The following DDHD2 variants were observed in gnomAD, a reference collection of about 807,000 sequenced individuals.
The protein encoded by DDHD2 is triacylglycerol hydrolase DDHD2.
In DDHD2, 62 loss-of-function variants were observed where a neutral mutation model predicts 91.2. The observed-to-expected ratio is 0.68, with a 90% confidence interval of 0.55 to 0.84. DDHD2 has a LOEUF of 0.84. Among genes scored for constraint, DDHD2 ranks in the 40% least tolerant of loss-of-function variants. The pLI, the probability that DDHD2 is intolerant of heterozygous loss-of-function variation, is 0.00. For missense variants in DDHD2, 740 were observed against 846.9 expected (o/e 0.87, Z 1.57); for synonymous variants, 271 against 293.9 (o/e 0.92, Z 0.80).
At position 38,242,344 on chromosome 8, in the gene DDHD2, A is replaced by G. The variant is rs764884513; in HGVS notation, c.807A>G (p.Pro269=). 1 of 1,611,248 alleles carries G rather than the reference A, an allele frequency of 6.2e-7. No individual in the cohort carries two copies. The highest frequency in any genetic ancestry group is 1.7e-5 in the Admixed American group (1 of 59,132). ...AGATTGGGAGGGTAGAATTTCTTCC[A>G]GTCAACTGGCACAGTCCTTTGCATT... ...NQQIGRVEFL[P]VNWHSPLHST... The change falls in exon 7 of 18, where the codon CCA becomes CCG. Residue 269 remains proline (P), a synonymous_variant. Transcript: ENST00000397166.
rs1035805105 is a variant in DDHD2, at chr8:38,261,069, G to A, written c.*496G>A. 1.3e-5 allele frequency: 2 copies of A among 152,164 alleles called. No homozygotes were observed. The highest frequency in any genetic ancestry group is 4.8e-5 in the African/African-American group (2 of 41,432). The allele number at this position is 152,164 out of a possible 1,614,324, so 9.4% of individuals were successfully genotyped here. ...TTGAACTGAAGGCTAAGTCTCAGTG[G>A]ACATGGAAAAGACTTTTGGGTGATT... On this transcript the variant is annotated 3_prime_UTR_variant, in exon 18 of 18. Transcript: ENST00000397166.
At position 38,253,216 on chromosome 8, in the gene DDHD2, CATTTAATTTCAT is replaced by C. The variant is rs1806251518; in HGVS notation, c.1891+91_1891+102del. On this transcript the variant is annotated intron_variant, in intron 15 of 17. Transcript: ENST00000397166. ...TCATAGTTAATTTAATTTAATTTCA[CATTTAATTTCAT>C]AGTTAATATTGCATTCTTTTGCTTT... The C allele has an allele frequency of 9.6e-6, 12 of 1,249,628 alleles. No homozygotes were observed. In the South Asian group the frequency reaches 1.7e-4, roughly 18 times the overall value. The allele number at this position is 1,249,628 out of a possible 1,614,324, so 77.4% of individuals were successfully genotyped here. A position where few individuals can be genotyped will look rare whatever the true frequency, so the allele number is the denominator to read the frequency against.
intron 10 of DDHD2, among the ~76,000 whole-genome samples, chr8:38,248,950 A>T (rs1805882361): frequency 6.6e-6 from 1 of 151,256 alleles, no homozygotes; most frequent in African/African-American, 2.4e-5. Context: ...ATCTCAAAAA[A>T]AAAAAAAAAA....
chr8:38,237,496 A>T, intron 3 of DDHD2, 42 bp from the exon 4 acceptor site: 2 of 975,390 alleles, frequency 2.1e-6, no homozygotes, highest in Non-Finnish European at 3.2e-6. Context: ...GTTTAATAGG[A>T]AAGCTACTAG....
intron 1 of DDHD2, chr8:38,270,150 GCTT>G (rs1399846477): frequency 6.6e-6 from 1 of 152,150 alleles, no homozygotes; most frequent in Non-Finnish European, 1.5e-5. Flanking sequence ...AGTGTCAAGA[GCTT>G]CTAGCCAAGT....
chr8:38,249,606 A>G, intron 10 of DDHD2, 102 bp from the exon 11 acceptor site: 1 of 604,732 alleles, frequency 1.7e-6, no homozygotes, highest in Non-Finnish European at 2.8e-6. Context: ...TTACTACTAG[A>G]GAGACAGGCA....
At chr8:38,246,142 C>T (rs996268202) in intron 8 of DDHD2, 91 bp from the exon 9 acceptor site, 1 of 1,117,718 alleles carries the variant, frequency 8.9e-7, no homozygotes, top group East Asian at 2.3e-5. Context: ...GATTTGCTTA[C>T]ATATGTAATT....
chr8:38,234,445 T>C lies in DDHD2; in HGVS notation c.272T>C (p.Val91Ala). ...CCTACTGATGGGGGCAGATATGATG[T>C]TCATTTGGGGGAGAGGATGCGGTAT... ...VVPTDGGRYD[V>A]HLGERMRYAV... The change falls in exon 3 of 18, where the codon GTT (valine) becomes GCT (alanine). Residue 91 changes from valine (V) to alanine (A), a missense_variant. Transcript: ENST00000397166. The C allele has an allele frequency of 6.2e-7, 1 of 1,611,506 alleles. No homozygotes were observed. Among genetic ancestry groups the C allele is most frequent in the Non-Finnish European group, 8.5e-7 (1 of 1,179,586 alleles).
chr8:38,253,289 C>T (rs1806256067), intron 15 of DDHD2, 162 bp downstream of exon 15: 3 of 856,420 alleles, frequency 3.5e-6, no homozygotes, highest in South Asian at 3.8e-5. Context: ...TTCCTGCTTG[C>T]ATTTAGTATA....
At chr8:38,266,157 G>C (rs200587857), downstream of DDHD2, 7 of 1,613,984 alleles carry the variant, frequency 4.3e-6, no homozygotes, top group Non-Finnish European at 5.1e-6. Context: ...AGTGATGCTT[G>C]TAGTCACATG....
At position 38,253,593 on chromosome 8, in the gene DDHD2, A is replaced by AG; in HGVS notation, c.1930dup (p.Glu644GlyfsTer17). ...AAGAGACCTCTGTGGCAGTTAAAGA[A>AG]GAAGTCCTGCCTATCAATGTGGGGA... On this transcript the variant is annotated frameshift_variant, in exon 16 of 18. Transcript: ENST00000397166. LOFTEE classifies it high-confidence loss of function. 1 of 1,614,176 alleles carries AG rather than the reference A, an allele frequency of 6.2e-7. No homozygotes were observed. The highest frequency in any genetic ancestry group is 8.5e-7 in the Non-Finnish European group (1 of 1,179,990).
chr8:38,266,240 G>A (rs1436024288), downstream of DDHD2: 4 of 1,613,774 alleles, frequency 2.5e-6, no homozygotes, highest in South Asian at 1.1e-5. Context: ...GATTTCCCAC[G>A]GCCTTGTGGT....
rs1807041447 is a variant in DDHD2, at chr8:38,261,675, A to G, written c.*1102A>G. On this transcript the variant is annotated 3_prime_UTR_variant, in exon 18 of 18. Transcript: ENST00000397166. ...TGTCTGTAGGGTCCAAGAAACAGCT[A>G]TTCCAGAGTCAGTGTCAGCTGAGTC... 6.6e-6 allele frequency: 1 copy of G among 152,224 alleles called. No homozygotes were observed. Among genetic ancestry groups the G allele is most frequent in the Admixed American group, 6.5e-5 (1 of 15,286 alleles). The allele number at this position is 152,224 out of a possible 1,614,324, so 9.4% of individuals were successfully genotyped here.
At chr8:38,234,920 A>G (rs539221118) in intron 3 of DDHD2, among the ~76,000 whole-genome samples, 43 of 152,218 alleles carry the variant, frequency 2.8e-4, no homozygotes, top group African/African-American at 9.6e-4. Context: ...GGTGGCCGCC[A>G]CCACACCTGG....
chr8:38,263,053 G>A (rs1367298982), downstream of DDHD2: 2 of 152,104 alleles, frequency 1.3e-5, no homozygotes, highest in Non-Finnish European at 2.9e-5. Flanking sequence ...GGGCGGATGG[G>A]GAATTCAATG....
At chr8:38,249,564 G>A (rs1330695031) in intron 10 of DDHD2, 144 bp from the exon 11 acceptor site, 3 of 424,648 alleles carry the variant, frequency 7.1e-6, no homozygotes, top group Non-Finnish European at 1.3e-5. Flanking sequence ...AATAAAACAG[G>A]TCCTTTTTTC....
intron 1 of DDHD2, chr8:38,270,635 A>C (rs1336547446): frequency 6.6e-6 from 1 of 152,240 alleles, no homozygotes; most frequent in African/African-American, 2.4e-5. Flanking sequence ...TCTGACAGAT[A>C]CTTGAGGGCT....
chr8:38,253,577 C>T lies in DDHD2; in HGVS notation c.1913C>T (p.Ser638Phe). The change falls in exon 16 of 18, where the codon TCT becomes TTT. Residue 638 changes from serine to phenylalanine, a missense_variant. Ser to Phe is a radical substitution (Grantham distance 155). Transcript: ENST00000397166. ...KPSDVNTEETSVAVKEEVLPI... is the reference protein window; with the variant it reads ...KPSDVNTEETFVAVKEEVLPI... ...CCAGATGTTAACACAGAAGAGACCT[C>T]TGTGGCAGTTAAAGAAGAAGTCCTG... 1 of 1,614,100 alleles carries T rather than the reference C, an allele frequency of 6.2e-7. No homozygotes were observed. The highest frequency in any genetic ancestry group is 1.1e-5 in the South Asian group (1 of 91,068).
Position 38,249,740 on chromosome 8 carries a change from A to G in DDHD2, c.1281A>G (p.Ile427Met), listed in dbSNP as rs1229664452. 2 of 1,611,218 alleles carry G rather than the reference A, an allele frequency of 1.2e-6. No homozygotes were observed. Among genetic ancestry groups the G allele is most frequent in the African/African-American group, 1.3e-5 (1 of 74,828 alleles). Residue 427 changes from isoleucine (I) to methionine (M), a missense_variant, in exon 11 of 18, where the codon ATA becomes ATG. Coordinates refer to ENST00000397166, the MANE Select transcript of DDHD2 (RefSeq NM_015214.3). ...GTACAGACCGAGATCTTCAGGAAAT[A>G]GGAATTCCTTTAGGACCAAGAAAGA... is the stretch of plus-strand genomic sequence containing the variant. Reference protein sequence around the residue: ...ALCTDRDLQEIGIPLGPRKKI... With the variant: ...ALCTDRDLQEMGIPLGPRKKI...
Sources: gnomAD v4.1 joint callset for allele counts (sites outside exome capture counted in the v4.1 genomes callset) on GRCh38, gnomAD v4.1.1 for gene constraint, MANE v1.5 for transcripts, NCBI Gene and HGNC (gene_info 2026-07-23, HGNC 2026-07-21) for gene names.